Variants in CNTN4 observed in about 807,000 individuals in gnomAD.
CNTN4 encodes contactin-4.
In CNTN4, 77 loss-of-function variants were observed where a neutral mutation model predicts 122.5. The observed-to-expected ratio is 0.63, with a 90% CI of 0.52 to 0.76. CNTN4 has a LOEUF of 0.76. Among genes scored for constraint, CNTN4 ranks in the 30% least tolerant of loss-of-function variants. The probability of loss-of-function intolerance (pLI) is 0.00; values close to 1 mark genes in which losing one functional copy is unlikely to be tolerated. For missense variants in CNTN4, 1,256 were observed against 1,259.1 expected, an observed-to-expected ratio of 1.00 and a Z score of 0.04; for synonymous variants, 512 against 447.0, an observed-to-expected ratio of 1.15 and a Z score of -1.83.
intron 9 of CNTN4, among the ~76,000 whole-genome samples, chr3:2,886,472 T>A (rs938390576): frequency 2.0e-5 from 3 of 151,024 alleles, no homozygotes; most frequent in Non-Finnish European, 4.4e-5. Flanking sequence ...TATAAAAATC[T>A]GTTTTTATTT....
intron 13 of CNTN4, among the ~76,000 whole-genome samples, chr3:2,952,175 C>G (rs1290119374): frequency 1.3e-5 from 2 of 152,188 alleles, no homozygotes; most frequent in Non-Finnish European, 2.9e-5. Context: ...CTACCTTCTC[C>G]CAAAGCAGCC....
intron 3 of CNTN4, among the ~76,000 whole-genome samples, chr3:2,536,105 T>A (rs1350814145): frequency 1.3e-5 from 2 of 152,166 alleles, no homozygotes; most frequent in East Asian, 3.9e-4. Context: ...TTTAGAGAAC[T>A]GTCCACAGGA....
chr3:2,819,274 G>A (rs959683781), intron 6 of CNTN4, among the ~76,000 whole-genome samples: 2 of 152,204 alleles, frequency 1.3e-5, no homozygotes, highest in South Asian at 2.1e-4. Context: ...ATAGGCACGT[G>A]TGGTAAGTAG....
intron 2 of CNTN4, among the ~76,000 whole-genome samples, chr3:2,131,711 C>T (rs372489368): frequency 6.4e-4 from 97 of 152,238 alleles, no homozygotes; most frequent in African/African-American, 2.2e-3. Flanking sequence ...GATGAAAACC[C>T]CAGTTAGTTT....
At chr3:2,924,942 A>T (rs199799014) in intron 12 of CNTN4, among the ~76,000 whole-genome samples, 1 of 51,570 alleles carries the variant, frequency 1.9e-5, no homozygotes, top group East Asian at 1.7e-3. Context: ...CTACACAATT[A>T]AAAAAAAAAA....
chr3:2,558,391 C>T (rs1255623840), intron 3 of CNTN4, among the ~76,000 whole-genome samples: 1 of 152,170 alleles, frequency 6.6e-6, no homozygotes, highest in Non-Finnish European at 1.5e-5. Flanking sequence ...CCTGAGCCTT[C>T]GCCTGCCTTT....
intron 3 of CNTN4, among the ~76,000 whole-genome samples, chr3:2,518,997 T>C (rs1318327387): frequency 2.6e-5 from 4 of 152,134 alleles, no homozygotes; most frequent in African/African-American, 4.8e-5. Flanking sequence ...ATGGGGCAAC[T>C]AAAGAAAAAT....
chr3:2,167,171 C>A (rs1360845523), intron 2 of CNTN4, among the ~76,000 whole-genome samples: 3 of 151,994 alleles, frequency 2.0e-5, no homozygotes, highest in Non-Finnish European at 4.4e-5. Context: ...CAATTCCATG[C>A]TGTTTAAAAG....
chr3:3,001,263 C>T (rs372762829), intron 14 of CNTN4, among the ~76,000 whole-genome samples: 7 of 152,066 alleles, frequency 4.6e-5, no homozygotes, highest in Admixed American at 1.3e-4. Flanking sequence ...TCTCTCACTA[C>T]GAAAAGAAAA....
intron 2 of CNTN4, among the ~76,000 whole-genome samples, chr3:2,154,941 A>AT (rs2035654704): frequency 6.6e-6 from 1 of 152,256 alleles, no homozygotes; most frequent in African/African-American, 2.4e-5. Context: ...AATAGATTTG[A>AT]TAGATGGCAG....
At chr3:2,844,184 C>T (rs2093415511) in intron 7 of CNTN4, among the ~76,000 whole-genome samples, 1 of 152,196 alleles carries the variant, frequency 6.6e-6, no homozygotes, top group Non-Finnish European at 1.5e-5. Context: ...CTGCTCATTT[C>T]CACCCCTTCC....
At chr3:2,664,949 C>G (rs2084077644) in intron 4 of CNTN4, among the ~76,000 whole-genome samples, 1 of 152,148 alleles carries the variant, frequency 6.6e-6, no homozygotes, top group Non-Finnish European at 1.5e-5. Flanking sequence ...ATCTGTATGT[C>G]AGTTCTTATT....
rs941110353 is a variant in CNTN4 at position 2,880,350 on chromosome 3, T to A, written c.653-2795T>A. 3.3e-5 allele frequency among the ~76,000 whole-genome samples: 5 copies of A among 152,324 alleles called. No individual in the cohort carries two copies. The East Asian group carries it at 9.6e-4, about 29-fold the overall frequency. On this transcript the variant is annotated intron_variant, in intron 8 of 24. Transcript: ENST00000418658. ...TGATTTCCTGGGAAGACGAAAGACC[T>A]CCTTCTCTCAAGGCAATTCTTTTTA...
At chr3:2,770,091 G>A (rs1220413576) in intron 6 of CNTN4, among the ~76,000 whole-genome samples, 6 of 150,532 alleles carry the variant, frequency 4.0e-5, no homozygotes, top group Admixed American at 1.3e-4. Flanking sequence ...GTGCAATGGC[G>A]TGATCTCAGC....
At chr3:2,233,273 A>G (rs1377666260) in intron 2 of CNTN4, among the ~76,000 whole-genome samples, 2 of 152,150 alleles carry the variant, frequency 1.3e-5, no homozygotes, top group African/African-American at 2.4e-5. Context: ...TCTTCACTCA[A>G]TAAAATCATA....
chr3:2,295,079 G>C (rs1168635298), intron 2 of CNTN4, among the ~76,000 whole-genome samples: 1 of 151,398 alleles, frequency 6.6e-6, no homozygotes, highest in Non-Finnish European at 1.5e-5. Context: ...GTCTATCATT[G>C]ATGGACATTT....
chr3:2,200,011 C>A (rs2038023163), intron 2 of CNTN4, among the ~76,000 whole-genome samples: 3 of 152,108 alleles, frequency 2.0e-5, no homozygotes, highest in African/African-American at 4.8e-5. Context: ...GGATTTTATT[C>A]TTGATGCAAT....
chr3:3,003,576 G>A (rs185871996), intron 14 of CNTN4, among the ~76,000 whole-genome samples: 156 of 150,794 alleles, frequency 1.0e-3, no homozygotes, highest in African/African-American at 3.7e-3. Flanking sequence ...ATTCGTAGCT[G>A]CCAGGGGATT....
At chr3:2,566,924 C>G (rs574099053) in intron 3 of CNTN4, among the ~76,000 whole-genome samples, 1 of 152,066 alleles carries the variant, frequency 6.6e-6, no homozygotes, top group Non-Finnish European at 1.5e-5. Flanking sequence ...AACTTGCTAA[C>G]CAGAGGAGAA....
Sources: allele counts gnomAD v4.1 joint callset (sites outside exome capture counted in the v4.1 genomes callset), GRCh38; gene constraint gnomAD v4.1.1; transcripts MANE v1.5; gene names NCBI Gene and HGNC (gene_info 2026-07-23, HGNC 2026-07-21).